TMEFF2: variants seen among roughly 807,000 people sequenced by gnomAD.
TMEFF2 encodes the protein transmembrane protein with EGF like and two follistatin like domains 2.
A neutral mutation model predicts 53.8 loss-of-function variants in TMEFF2; 28 were observed. That is an observed-to-expected ratio of 0.52 (90% CI 0.39 to 0.71). The LOEUF (loss-of-function observed/expected upper bound fraction) is 0.71. Ranked by LOEUF, TMEFF2 falls within the 30% of genes least tolerant of loss-of-function variation. The pLI is 0.00. For missense variants in TMEFF2, 353 were observed against 455.2 expected, an observed-to-expected ratio of 0.78 and a Z score of 2.04; for synonymous variants, 162 against 166.3, an observed-to-expected ratio of 0.97 and a Z score of 0.20.
At chr2:192,183,938 C>G (rs946748200) in intron 3 of TMEFF2, among the ~76,000 whole-genome samples, 1 of 152,040 alleles carries the variant, frequency 6.6e-6, no homozygotes. Flanking sequence ...ACTTCAGAGC[C>G]CAAACCTGCA....
intron 4 of TMEFF2, among the ~76,000 whole-genome samples, chr2:192,083,346 G>A (rs941595805): frequency 2.6e-5 from 4 of 152,054 alleles, no homozygotes; most frequent in Non-Finnish European, 5.9e-5. Context: ...GTGTATCAAG[G>A]AACAATTCTA....
intron 5 of TMEFF2, among the ~76,000 whole-genome samples, chr2:192,054,946 T>C (rs1222367732): frequency 6.6e-6 from 1 of 152,110 alleles, no homozygotes; most frequent in Non-Finnish European, 1.5e-5. Context: ...ACCAATAATT[T>C]TCAGCTGCTC....
intron 4 of TMEFF2, among the ~76,000 whole-genome samples, chr2:192,140,695 A>G (rs1574409672): frequency 6.6e-6 from 1 of 152,328 alleles, no homozygotes; most frequent in African/African-American, 2.4e-5. Context: ...AGAAAAAAAA[A>G]TAGTACTCCA....
intron 4 of TMEFF2, among the ~76,000 whole-genome samples, chr2:192,138,575 A>C (rs1690064890): frequency 6.6e-6 from 1 of 152,246 alleles, no homozygotes; most frequent in African/African-American, 2.4e-5. Flanking sequence ...AAAGTGGTGA[A>C]AGTAGCAATT....
chr2:191,951,407 T>C (rs969249380), intron 9 of TMEFF2, among the ~76,000 whole-genome samples: 1 of 136,316 alleles, frequency 7.3e-6, no homozygotes, highest in Non-Finnish European at 1.7e-5. Context: ...TTGGCTAAAA[T>C]AGTGATGCAA....
intron 4 of TMEFF2, among the ~76,000 whole-genome samples, chr2:192,067,733 CTT>C (rs1202726147): frequency 6.6e-6 from 1 of 151,796 alleles, no homozygotes; most frequent in African/African-American, 2.4e-5. Context: ...CAAATAAAGA[CTT>C]AATTGCCAAT....
chr2:192,130,807 G>A (rs1689803796), intron 4 of TMEFF2, among the ~76,000 whole-genome samples: 1 of 151,884 alleles, frequency 6.6e-6, no homozygotes, highest in Non-Finnish European at 1.5e-5. Context: ...TCTTCACACG[G>A]ACACGCATGA....
chr2:192,157,589 T>G (rs56368303), intron 4 of TMEFF2, among the ~76,000 whole-genome samples: 2 of 151,658 alleles, frequency 1.3e-5, no homozygotes, highest in Non-Finnish European at 2.9e-5. Context: ...TGTAAATATA[T>G]ATTTATTTTT....
chr2:192,114,721 A>G (rs190698843), intron 4 of TMEFF2, among the ~76,000 whole-genome samples: 25 of 152,032 alleles, frequency 1.6e-4, no homozygotes, highest in Non-Finnish European at 3.4e-4. Context: ...ATAAACTTAA[A>G]CAAGGAGGTA....
chr2:192,013,503 C>T (rs573598733), intron 5 of TMEFF2, among the ~76,000 whole-genome samples: 1 of 151,316 alleles, frequency 6.6e-6, no homozygotes, highest in South Asian at 2.1e-4. Flanking sequence ...CAGGCTGTAG[C>T]GCAGTGGCAC....
At chr2:192,019,772 C>T (rs575854438) in intron 5 of TMEFF2, among the ~76,000 whole-genome samples, 5 of 151,428 alleles carry the variant, frequency 3.3e-5, no homozygotes, top group Non-Finnish European at 5.9e-5. Context: ...AGGACAGGCG[C>T]GGTTAATCAA....
At chr2:192,144,071 A>G (rs919357018) in intron 4 of TMEFF2, among the ~76,000 whole-genome samples, 4 of 152,116 alleles carry the variant, frequency 2.6e-5, no homozygotes, top group African/African-American at 9.7e-5. Flanking sequence ...TTACAAAATC[A>G]TAAGTCTTCA....
intron 5 of TMEFF2, among the ~76,000 whole-genome samples, chr2:192,048,427 A>T (rs1287999263): frequency 6.6e-6 from 1 of 151,122 alleles, no homozygotes; most frequent in Non-Finnish European, 1.5e-5. Context: ...CACAATGGTT[A>T]TCTTAGAGAG....
At chr2:192,187,373 T>C (rs1333396919) in intron 2 of TMEFF2, among the ~76,000 whole-genome samples, 1 of 152,250 alleles carries the variant, frequency 6.6e-6, no homozygotes, top group Non-Finnish European at 1.5e-5. Flanking sequence ...TTGTATGATA[T>C]GTATTTTAAC....
intron 7 of TMEFF2, among the ~76,000 whole-genome samples, chr2:191,984,427 G>A (rs189309399): frequency 4.7e-4 from 72 of 152,120 alleles, no homozygotes; most frequent in African/African-American, 1.7e-3. Context: ...GAGCTACAAC[G>A]TAAAATCCTT....
chr2:192,076,572 A>C (rs1688437485), intron 4 of TMEFF2, among the ~76,000 whole-genome samples: 1 of 152,136 alleles, frequency 6.6e-6, no homozygotes, highest in South Asian at 2.1e-4. Flanking sequence ...GTCACTATGG[A>C]TATTATAGTA....
chr2:192,040,507 G>T (rs1441092047), intron 5 of TMEFF2, among the ~76,000 whole-genome samples: 2 of 152,112 alleles, frequency 1.3e-5, no homozygotes, highest in Non-Finnish European at 2.9e-5. Context: ...AAAATATAAA[G>T]TGGGAAGTCT....
At position 192,047,377 on chromosome 2, in the gene TMEFF2, G is replaced by C. The variant is rs981010663; in HGVS notation, c.536+10302C>G. Among the ~76,000 whole-genome samples, 10 of 152,168 alleles carry C rather than the reference G, an allele frequency of 6.6e-5. No homozygotes were observed. In the East Asian group the frequency reaches 1.9e-3, roughly 29 times the overall value. ...TATCTGCTTATTATAAGCCCTTATG[G>C]CTTGTTAGAACCTACCATTACTTTT... On this transcript the variant is annotated intron_variant, in intron 5 of 9. Transcript: ENST00000272771.
chr2:191,968,952 A>G (rs1449789156), intron 7 of TMEFF2, among the ~76,000 whole-genome samples: 1 of 152,140 alleles, frequency 6.6e-6, no homozygotes, highest in Non-Finnish European at 1.5e-5. Context: ...TAGCCACCCA[A>G]GCCACCCAGA....
Sources: gnomAD v4.1 joint callset for allele counts (sites outside exome capture counted in the v4.1 genomes callset) on GRCh38, gnomAD v4.1.1 for gene constraint, MANE v1.5 for transcripts, NCBI Gene and HGNC (gene_info 2026-07-23, HGNC 2026-07-21) for gene names.